Variants in RFX4 observed in about 807,000 individuals in gnomAD.
The protein encoded by RFX4 is transcription factor RFX4.
A neutral mutation model predicts 95.0 loss-of-function variants in RFX4; 10 were observed. The ratio of observed to expected loss-of-function variants is 0.11; its 90% CI spans 0.06 to 0.18. The LOEUF (loss-of-function observed/expected upper bound fraction) is 0.18. Among genes scored for constraint, RFX4 ranks in the 10% least tolerant of loss-of-function variants. The pLI is 1.00. For synonymous variants in RFX4, 321 were observed against 340.7 expected (o/e 0.94, Z 0.64); for missense variants, 640 against 922.0 (o/e 0.69, Z 3.96).
intron 3 of RFX4, among the ~76,000 whole-genome samples, chr12:106,650,696 C>T (rs1224877572): frequency 6.6e-6 from 1 of 151,954 alleles, no homozygotes; most frequent in East Asian, 1.9e-4. Flanking sequence ...CCATTTCACT[C>T]CAGCCTGGGT....
intron 1 of RFX4, among the ~76,000 whole-genome samples, chr12:106,591,655 G>A (rs185232444): frequency 1.4e-3 from 218 of 152,264 alleles, no homozygotes; most frequent in African/African-American, 4.9e-3. Context: ...TACTACACAC[G>A]TGAAATGTAC....
intron 4 of RFX4, among the ~76,000 whole-genome samples, chr12:106,656,846 A>G (rs1157123827): frequency 6.6e-6 from 1 of 152,200 alleles, no homozygotes; most frequent in Non-Finnish European, 1.5e-5. Context: ...TTTCCTCCCT[A>G]AGAATTATAG....
At position 106,605,240 on chromosome 12, in the gene RFX4, T is replaced by C. The variant is rs140957871; in HGVS notation, c.44-3557T>C. Among the ~76,000 whole-genome samples the C allele has an allele frequency of 4.2e-3, 636 of 152,312 alleles. 3 individuals are homozygous for C. The highest frequency in any genetic ancestry group is 6.3e-3 in the Non-Finnish European group (429 of 68,008). On this transcript the variant is annotated intron_variant, in intron 1 of 17. Coordinates refer to ENST00000392842, the MANE Select transcript of RFX4 (RefSeq NM_213594.3). ...TGTTTCATTCAAAATTCAGTATACA[T>C]GTCATTCTGCTTAAGTAATTCTTGA...
At chr12:106,699,090 T>A (rs2041938185) in intron 8 of RFX4, among the ~76,000 whole-genome samples, 1 of 152,156 alleles carries the variant, frequency 6.6e-6, no homozygotes, top group African/African-American at 2.4e-5. Context: ...CACCCACAGA[T>A]TTTGATATGT....
At chr12:106,760,629 G>T (rs1439766184) in intron 17 of RFX4, among the ~76,000 whole-genome samples, 1 of 152,136 alleles carries the variant, frequency 6.6e-6, no homozygotes, top group South Asian at 2.1e-4. Flanking sequence ...AATAACCTTC[G>T]AAATTGTTGA....
At chr12:106,759,453 T>C (rs2043171276) in intron 17 of RFX4, among the ~76,000 whole-genome samples, 1 of 152,198 alleles carries the variant, frequency 6.6e-6, no homozygotes, top group Non-Finnish European at 1.5e-5. Flanking sequence ...TGTTTTGTAG[T>C]AATAGTTCCT....
chr12:106,757,384 C>CA (rs2043127887), intron 17 of RFX4, among the ~76,000 whole-genome samples: 1 of 151,906 alleles, frequency 6.6e-6, no homozygotes, highest in Non-Finnish European at 1.5e-5. Flanking sequence ...CTCACCTCTA[C>CA]AAAAAATTTA....
chr12:106,584,229 C>T (rs1037451252), intron 1 of RFX4, among the ~76,000 whole-genome samples: 1 of 152,148 alleles, frequency 6.6e-6, no homozygotes, highest in African/African-American at 2.4e-5. Flanking sequence ...CGCCACCTCC[C>T]ACTCCTAGCA....
At chr12:106,668,562 C>G (rs1332597193) in intron 4 of RFX4, among the ~76,000 whole-genome samples, 4 of 152,006 alleles carry the variant, frequency 2.6e-5, no homozygotes, top group African/African-American at 7.3e-5. Context: ...GAGAGCCCCT[C>G]TTAAAAAAAT....
At chr12:106,725,382 A>G (rs144032845) in intron 13 of RFX4, among the ~76,000 whole-genome samples, 1 of 152,362 alleles carries the variant, frequency 6.6e-6, no homozygotes, top group East Asian at 1.9e-4. Flanking sequence ...AAATTTAAAA[A>G]TATGTAAACA....
At chr12:106,708,303 G>A (rs2042125293) in intron 8 of RFX4, among the ~76,000 whole-genome samples, 1 of 151,946 alleles carries the variant, frequency 6.6e-6, no homozygotes, top group Non-Finnish European at 1.5e-5. Context: ...ACAGGTAGCT[G>A]AGTGCTGATG....
chr12:106,662,826 C>T (rs1344413765), intron 4 of RFX4, among the ~76,000 whole-genome samples: 4 of 152,036 alleles, frequency 2.6e-5, no homozygotes, highest in African/African-American at 9.7e-5. Flanking sequence ...ATTATCTTTA[C>T]TTCATTTATT....
chr12:106,735,204 G>C (rs1427699580), intron 15 of RFX4, among the ~76,000 whole-genome samples: 1 of 152,046 alleles, frequency 6.6e-6, no homozygotes, highest in African/African-American at 2.4e-5. Flanking sequence ...AACTGAAAGA[G>C]ATCAGTAAAC....
intron 10 of RFX4, among the ~76,000 whole-genome samples, chr12:106,712,225 A>G (rs1565990647): frequency 2.6e-5 from 4 of 152,178 alleles, no homozygotes; most frequent in African/African-American, 9.7e-5. Flanking sequence ...GTTCAAAACA[A>G]TTTTTTTCAC....
intron 15 of RFX4, among the ~76,000 whole-genome samples, chr12:106,743,472 T>C (rs960555012): frequency 4.6e-5 from 7 of 152,190 alleles, no homozygotes; most frequent in African/African-American, 1.7e-4. Context: ...GTGGATGTGT[T>C]AGATTGCTGG....
At chr12:106,611,407 G>A (rs948195211) in intron 2 of RFX4, among the ~76,000 whole-genome samples, 5 of 147,224 alleles carry the variant, frequency 3.4e-5, no homozygotes, top group South Asian at 4.2e-4. Flanking sequence ...TGAAGTTTTC[G>A]CCTTTTTTTT....
chr12:106,760,152 T>C (rs1333463933), intron 17 of RFX4, among the ~76,000 whole-genome samples: 2 of 152,000 alleles, frequency 1.3e-5, no homozygotes, highest in African/African-American at 4.8e-5. Flanking sequence ...AATTCATACA[T>C]TCACACAGTC....
intron 15 of RFX4, among the ~76,000 whole-genome samples, chr12:106,741,978 T>C (rs2042814013): frequency 6.6e-6 from 1 of 152,162 alleles, no homozygotes; most frequent in Admixed American, 6.5e-5. Flanking sequence ...GCAGTAATGC[T>C]TGCTTGCCCA....
At chr12:106,757,368 T>A (rs932730326) in intron 17 of RFX4, among the ~76,000 whole-genome samples, 1 of 152,000 alleles carries the variant, frequency 6.6e-6, no homozygotes, top group African/African-American at 2.4e-5. Flanking sequence ...GGCAATGTAG[T>A]GAGACCTCAC....
Sources: allele counts gnomAD v4.1 joint callset (sites outside exome capture counted in the v4.1 genomes callset), GRCh38; gene constraint gnomAD v4.1.1; transcripts MANE v1.5; gene names NCBI Gene and HGNC (gene_info 2026-07-23, HGNC 2026-07-21).